Variants in LIMD1 observed in about 807,000 individuals in gnomAD.
The protein encoded by LIMD1 is LIM domain containing 1, also known as LIM domain-containing protein 1.
A neutral mutation model predicts 58.4 loss-of-function variants in LIMD1; 23 were observed. The ratio of observed to expected loss-of-function variants is 0.39; its 90% CI spans 0.28 to 0.56. LIMD1 has a LOEUF of 0.56. Among genes scored for constraint, LIMD1 ranks in the 20% least tolerant of loss-of-function variants. The pLI is 0.57. For synonymous variants in LIMD1, 334 were observed against 345.5 expected (o/e 0.97, Z 0.37); for missense variants, 838 against 855.5 (o/e 0.98, Z 0.25).
intron 2 of LIMD1, among the ~76,000 whole-genome samples, chr3:45,649,555 C>T (rs1701942603): frequency 6.6e-6 from 1 of 150,714 alleles, no homozygotes; most frequent in Non-Finnish European, 1.5e-5. Flanking sequence ...GTGGCGGGTG[C>T]CTGTAGTCCC....
intron 1 of LIMD1, among the ~76,000 whole-genome samples, chr3:45,611,631 C>G (rs1701523103): frequency 6.6e-6 from 1 of 152,194 alleles, no homozygotes; most frequent in Non-Finnish European, 1.5e-5. Context: ...CTATGGAGCC[C>G]TTTCCTGGGT....
intron 4 of LIMD1, 151 bp from the exon 5 acceptor site, chr3:45,672,539 T>C: frequency 1.3e-6 from 1 of 798,814 alleles, no homozygotes; most frequent in Non-Finnish European, 2.0e-6. Context: ...TCCCACCCCA[T>C]CACCTCTTGC....
chr3:45,654,678 C>T (rs2125664903), intron 2 of LIMD1, among the ~76,000 whole-genome samples: 1 of 151,702 alleles, frequency 6.6e-6, no homozygotes, highest in African/African-American at 2.4e-5. Context: ...AAAATACACA[C>T]AAAAAATTAG....
chr3:45,667,809 A>C (rs1697538763), intron 3 of LIMD1, among the ~76,000 whole-genome samples: 1 of 151,920 alleles, frequency 6.6e-6, no homozygotes, highest in African/African-American at 2.4e-5. Flanking sequence ...TCTGGGTAAT[A>C]ATGTAGACCT....
chr3:45,617,904 T>G (rs1261721672), intron 1 of LIMD1, among the ~76,000 whole-genome samples: 1 of 152,208 alleles, frequency 6.6e-6, no homozygotes, highest in Admixed American at 6.5e-5. Context: ...CTTTTCCTTC[T>G]CTGGTATAGC....
At chr3:45,607,913 T>G (rs1212188616) in intron 1 of LIMD1, among the ~76,000 whole-genome samples, 1 of 152,228 alleles carries the variant, frequency 6.6e-6, no homozygotes, top group Non-Finnish European at 1.5e-5. Flanking sequence ...CCACGTTTGC[T>G]CGCGTGATGG....
At chr3:45,598,499 A>G (rs1701378807) in intron 1 of LIMD1, among the ~76,000 whole-genome samples, 1 of 152,204 alleles carries the variant, frequency 6.6e-6, no homozygotes, top group Non-Finnish European at 1.5e-5. Flanking sequence ...CATTCAGCAT[A>G]TATTAAAATT....
intron 1 of LIMD1, among the ~76,000 whole-genome samples, chr3:45,620,617 GTC>G (rs1648553290): frequency 6.6e-6 from 1 of 152,042 alleles, no homozygotes; most frequent in Non-Finnish European, 1.5e-5. Context: ...ATGAAACCCT[GTC>G]TCTATTAAAA....
At chr3:45,630,097 C>T (rs1251154542) in intron 1 of LIMD1, among the ~76,000 whole-genome samples, 1 of 152,172 alleles carries the variant, frequency 6.6e-6, no homozygotes. Flanking sequence ...ATCCCTTATT[C>T]CTCTCACTTC....
intron 2 of LIMD1, among the ~76,000 whole-genome samples, chr3:45,656,439 C>G (rs540774071): frequency 6.8e-6 from 1 of 147,064 alleles, no homozygotes; most frequent in Non-Finnish European, 1.5e-5. Flanking sequence ...ACCTCTTTAG[C>G]TTTTGTTTCT....
In LIMD1 at chr3:45,599,332, C is replaced by CG. The variant is rs988224653; in HGVS notation, c.1408+3045_1408+3046insG. Among the ~76,000 whole-genome samples, 13 of 19,564 alleles carry CG rather than the reference C, an allele frequency of 6.6e-4. No homozygotes were observed. In the Non-Finnish European group the frequency reaches 0.011, roughly 16 times the overall value. The allele number at this position is 19,564 out of a possible 152,430, so 12.8% of individuals were successfully genotyped here. A position where few individuals can be genotyped will look rare whatever the true frequency, so the allele number is the denominator to read the frequency against. On this transcript the variant is annotated intron_variant, in intron 1 of 7. Transcript: ENST00000273317. ...CATAAAGCAATTGCTCCCTGTTTCC[C>CG]CCATCCCCTCCCAGCTCCTGGCAAC...
chr3:45,620,928 G>A (rs1198125444), intron 1 of LIMD1, among the ~76,000 whole-genome samples: 1 of 152,198 alleles, frequency 6.6e-6, no homozygotes, highest in Non-Finnish European at 1.5e-5. Flanking sequence ...TATTCTGCAT[G>A]TTGACATCAT....
At chr3:45,674,528 G>A (rs1056504362) in intron 7 of LIMD1, 117 bp downstream of exon 7, 5 of 732,180 alleles carry the variant, frequency 6.8e-6, no homozygotes, top group Admixed American at 2.3e-5. Flanking sequence ...CAGCCCTCTA[G>A]AGCTTCTGTA....
At chr3:45,640,046 G>A (rs568844395) in intron 2 of LIMD1, among the ~76,000 whole-genome samples, 1 of 152,238 alleles carries the variant, frequency 6.6e-6, no homozygotes, top group Non-Finnish European at 1.5e-5. Context: ...TCCACCCAAG[G>A]CTGCTAGAGT....
At chr3:45,637,461 A>G (rs1044011425) in intron 2 of LIMD1, among the ~76,000 whole-genome samples, 2 of 152,080 alleles carry the variant, frequency 1.3e-5, no homozygotes, top group Non-Finnish European at 2.9e-5. Flanking sequence ...TTGTATTTTT[A>G]GTAGAGACGG....
chr3:45,631,293 A>C (rs1701730938), intron 1 of LIMD1, among the ~76,000 whole-genome samples: 1 of 148,774 alleles, frequency 6.7e-6, no homozygotes, highest in African/African-American at 2.6e-5. Flanking sequence ...ACAGAGTGAG[A>C]CTCTCTCAAA....
At chr3:45,601,186 C>A (rs1423790651) in intron 1 of LIMD1, among the ~76,000 whole-genome samples, 1 of 152,162 alleles carries the variant, frequency 6.6e-6, no homozygotes, top group Non-Finnish European at 1.5e-5. Context: ...TTTTGGGGTC[C>A]CCACCTGTGG....
chr3:45,674,686 G>A lies in LIMD1; in HGVS notation c.1893+275G>A, dbSNP rs1009743072. ...CTGAAGCTGCAGAGCTAGGAGGGTC[G>A]TGGAGAGCATGGGTTTCAGGTCCTA... On this transcript the variant is annotated intron_variant, in intron 7 of 7. Transcript: ENST00000273317. The A allele has an allele frequency of 7.7e-5, 27 of 352,632 alleles. 1 individual carries two copies. In the East Asian group the frequency reaches 8.3e-4, roughly 11 times the overall value. 21.8% of individuals were successfully genotyped at this position (352,632 alleles called of 1,614,324 possible).
At chr3:45,637,645 C>A (rs947476947) in intron 2 of LIMD1, among the ~76,000 whole-genome samples, 1 of 152,156 alleles carries the variant, frequency 6.6e-6, no homozygotes, top group African/African-American at 2.4e-5. Context: ...GGCTGACTAC[C>A]ATTGGTTTGG....
Sources: gnomAD v4.1 joint callset for allele counts (sites outside exome capture counted in the v4.1 genomes callset) on GRCh38, gnomAD v4.1.1 for gene constraint, MANE v1.5 for transcripts, NCBI Gene and HGNC (gene_info 2026-07-23, HGNC 2026-07-21) for gene names.